Variants in ABCA9 observed in about 807,000 individuals in gnomAD.
The protein encoded by ABCA9 is ATP binding cassette subfamily A member 9.
ABCA9 carries 183 observed loss-of-function variants against 205.3 expected under a neutral mutation model. The ratio of observed to expected loss-of-function variants is 0.89; its 90% CI spans 0.79 to 1.01. The LOEUF (loss-of-function observed/expected upper bound fraction) is 1.01, where lower values mean the gene tolerates loss of function less well. Ranked by LOEUF, ABCA9 falls within the 50% of genes least tolerant of loss-of-function variation. The probability of loss-of-function intolerance (pLI) is 0.00; values close to 1 mark genes in which losing one functional copy is unlikely to be tolerated. For synonymous variants in ABCA9, 651 were observed against 683.3 expected, an observed-to-expected ratio of 0.95 and a Z score of 0.74; for missense variants, 1,805 against 1,912.4, an observed-to-expected ratio of 0.94 and a Z score of 1.05.
intron 6 of ABCA9, among the ~76,000 whole-genome samples, chr17:69,036,895 AAAAGC>A: frequency 6.9e-6 from 1 of 145,982 alleles, no homozygotes; most frequent in African/African-American, 2.6e-5. Context: ...AAAAAAAAAA[AAAAGC>A]AGAGGTTGCA....
At chr17:69,064,163 T>A (rs931896994), upstream of ABCA9, among the ~76,000 whole-genome samples, 3 of 152,206 alleles carry the variant, frequency 2.0e-5, no homozygotes, top group Non-Finnish European at 2.9e-5. Flanking sequence ...GTCATCTTAT[T>A]TTATGGTCTC....
intron 23 of ABCA9, among the ~76,000 whole-genome samples, chr17:69,009,217 C>T (rs527850283): frequency 5.9e-5 from 9 of 152,152 alleles, no homozygotes; most frequent in African/African-American, 2.2e-4. Flanking sequence ...TAAAATTGTA[C>T]ATGTGTTAAG....
At chr17:69,028,145 T>C (rs2071051747) in intron 12 of ABCA9, among the ~76,000 whole-genome samples, 1 of 152,172 alleles carries the variant, frequency 6.6e-6, no homozygotes, top group African/African-American at 2.4e-5. Flanking sequence ...AATGAAACTA[T>C]TGAAGTTAAT....
chr17:69,015,569 G>A (rs924966438), intron 22 of ABCA9, among the ~76,000 whole-genome samples: 1 of 152,098 alleles, frequency 6.6e-6, no homozygotes, highest in Non-Finnish European at 1.5e-5. Flanking sequence ...TTCTTTTGAT[G>A]CATCCCAAGA....
chr17:69,010,765 A>AGAACTT (rs2070343103), intron 23 of ABCA9, among the ~76,000 whole-genome samples: 1 of 152,182 alleles, frequency 6.6e-6, no homozygotes, highest in Non-Finnish European at 1.5e-5. Context: ...GGTTTGAAGT[A>AGAACTT]GAACTTAAAA....
chr17:68,994,023 C>T (rs1394048809), intron 26 of ABCA9, among the ~76,000 whole-genome samples: 1 of 152,078 alleles, frequency 6.6e-6, no homozygotes, highest in African/African-American at 2.4e-5. Context: ...TTACAGGCAC[C>T]CAATACCATG....
chr17:69,073,263 A>G, the ABCA9 span, among the ~76,000 whole-genome samples: 2 of 152,350 alleles, frequency 1.3e-5, no homozygotes, highest in Admixed American at 6.5e-5. Flanking sequence ...ATAGACATCT[A>G]CAGAACTCTC....
At chr17:69,050,888 C>A in intron 2 of ABCA9, 143 bp downstream of exon 2, 1 of 595,774 alleles carries the variant, frequency 1.7e-6, no homozygotes, top group Non-Finnish European at 2.5e-6. Flanking sequence ...AATAGCAAAG[C>A]CCAGAATTTG....
chr17:69,011,701 G>GT (rs1327691857), intron 23 of ABCA9: 1 of 303,098 alleles, frequency 3.3e-6, no homozygotes, highest in Non-Finnish European at 6.1e-6. Flanking sequence ...ATGTCTGTGA[G>GT]TAAGTCTTAT....
chr17:69,020,610 AT>A (rs754023782), intron 18 of ABCA9, 24 bp from the exon 19 acceptor site: 1 of 1,598,664 alleles, frequency 6.3e-7, no homozygotes, highest in Non-Finnish European at 8.6e-7. Context: ...TCAATATTTT[AT>A]AAAGTGCCAT....
intron 22 of ABCA9, among the ~76,000 whole-genome samples, chr17:69,012,750 C>A (rs1159623811): frequency 6.6e-6 from 1 of 152,106 alleles, no homozygotes; most frequent in African/African-American, 2.4e-5. Context: ...CAATTATACT[C>A]TTTTAGTTAT....
intron 25 of ABCA9, chr17:69,004,741 CT>C (rs1480021435): frequency 6.3e-6 from 1 of 159,258 alleles, no homozygotes; most frequent in Non-Finnish European, 1.4e-5. Flanking sequence ...TGATCTCAGA[CT>C]GCTGTGCTAG....
intron 17 of ABCA9, 104 bp downstream of exon 17, chr17:69,024,110 G>A (rs375815068): frequency 4.0e-6 from 5 of 1,239,256 alleles, no homozygotes; most frequent in Non-Finnish European, 5.7e-6. Context: ...AACGCATTGT[G>A]CCATTCATCT....
At chr17:69,045,065 G>A (rs1442083011) in intron 4 of ABCA9, 107 bp downstream of exon 4, 1 of 826,368 alleles carries the variant, frequency 1.2e-6, no homozygotes, top group African/African-American at 1.7e-5. Flanking sequence ...AAAGCTCTAT[G>A]TTGTGGTTGT....
Position 68,996,014 on chromosome 17 carries a change from C to T in ABCA9, c.3436G>A (p.Val1146Met), listed in dbSNP as rs2144069262. The stretch of plus-strand genomic sequence containing the variant: ...GTAGCAACTATCGAGAAGATGACCA[C>T]CTAAAACAAATGCACAGTATAGCGT... The part of the protein sequence containing the change: ...SGIWSFFFLI[V>M]VIFSIVATDL... The change falls in exon 26 of 39, where the codon GTG (valine) becomes ATG (methionine). Residue 1146 changes from valine to methionine, a missense_variant and splice_region_variant. Transcript: ENST00000340001. 1 of 1,613,266 alleles carries T rather than the reference C, an allele frequency of 6.2e-7. No homozygotes were observed. Among genetic ancestry groups the T allele is most frequent in the African/African-American group, 1.3e-5 (1 of 75,002 alleles).
At chr17:68,996,117 A>G (rs1015721683) in intron 25 of ABCA9, 103 bp from the exon 26 acceptor site, 2 of 1,241,206 alleles carry the variant, frequency 1.6e-6, no homozygotes, top group Non-Finnish European at 2.2e-6. Flanking sequence ...GTTATTTTCA[A>G]TTTCACTCCC....
chr17:69,025,906 T>C (rs1265383208), intron 16 of ABCA9, among the ~76,000 whole-genome samples: 1 of 152,080 alleles, frequency 6.6e-6, no homozygotes, highest in African/African-American at 2.4e-5. Flanking sequence ...GTAAATATCT[T>C]AGTAAGTACC....
At chr17:69,071,187 G>A in the ABCA9 span, among the ~76,000 whole-genome samples, 3 of 152,222 alleles carry the variant, frequency 2.0e-5, no homozygotes, top group Non-Finnish European at 2.9e-5. Context: ...AAACGTTCCT[G>A]CCTGCTGGCT....
At chr17:69,073,234 T>C in the ABCA9 span, among the ~76,000 whole-genome samples, 1 of 152,118 alleles carries the variant, frequency 6.6e-6, no homozygotes, top group Non-Finnish European at 1.5e-5. Context: ...TGAACTCAGC[T>C]CTGGACCAAG....
Sources: gnomAD v4.1 joint callset for allele counts (sites outside exome capture counted in the v4.1 genomes callset) on GRCh38, gnomAD v4.1.1 for gene constraint, MANE v1.5 for transcripts, NCBI Gene and HGNC (gene_info 2026-07-23, HGNC 2026-07-21) for gene names.